Variants in TDRD1 observed in about 807,000 individuals in gnomAD.
TDRD1 encodes the protein tudor domain containing 1, also known as tudor domain-containing protein 1.
In TDRD1, 37 loss-of-function variants were observed where a neutral mutation model predicts 140.6. The ratio of observed to expected loss-of-function variants is 0.26; its 90% CI spans 0.20 to 0.35. The LOEUF (loss-of-function observed/expected upper bound fraction) is 0.35, where lower values mean the gene tolerates loss of function less well. TDRD1 is among the 10% of genes least tolerant of loss of function. TDRD1 has a pLI of 1.00. For missense variants in TDRD1, 1,243 were observed against 1,393.0 expected (o/e 0.89, Z 1.71); for synonymous variants, 506 against 475.7 (o/e 1.06, Z -0.83).
intron 11 of TDRD1, among the ~76,000 whole-genome samples, chr10:114,207,548 T>G (rs1234815599): frequency 6.6e-6 from 1 of 152,122 alleles, no homozygotes; most frequent in Non-Finnish European, 1.5e-5. Flanking sequence ...GTGGGACAGC[T>G]CTGATGAAAA....
At position 114,200,246 on chromosome 10, in the gene TDRD1, G is replaced by A. The variant is rs183212811; in HGVS notation, c.529+929G>A. Among the ~76,000 whole-genome samples, 401 of 152,260 alleles carry A rather than the reference G, an allele frequency of 2.6e-3. 1 individual carries two copies. Among genetic ancestry groups the A allele is most frequent in the Non-Finnish European group, 3.0e-3 (203 of 68,026 alleles). On this transcript the variant is annotated intron_variant, in intron 4 of 25. Coordinates refer to ENST00000251864, the Ensembl canonical transcript of TDRD1. ...TTACAGTTAAATTTGCAGTGCTCTC[G>A]TGATCAATGATCTTGAGCAGTTTTT...
intron 18 of TDRD1, among the ~76,000 whole-genome samples, chr10:114,219,880 C>T (rs974651992): frequency 6.6e-6 from 1 of 152,250 alleles, no homozygotes; most frequent in Non-Finnish European, 1.5e-5. Context: ...GCATGAGCCA[C>T]TGTGCCCGGC....
intron 18 of TDRD1, among the ~76,000 whole-genome samples, chr10:114,219,153 G>A (rs2035988346): frequency 6.6e-6 from 1 of 152,170 alleles, no homozygotes; most frequent in Admixed American, 6.5e-5. Context: ...TTGATATGAA[G>A]AATTGTTCAT....
rs1188482807 is a variant in TDRD1, at chr10:114,199,153, C to T, written c.385-20C>T. On this transcript the variant is annotated intron_variant, in intron 3 of 25. Coordinates refer to ENST00000251864, the Ensembl canonical transcript of TDRD1. ...AAGTTATTGCCAAATTCTAACATTG[C>T]TCTTCTTTGTTCTTAATAGAAGCCT... 6.3e-7 allele frequency: 1 copy of T among 1,598,558 alleles called. No homozygotes were observed. The highest frequency in any genetic ancestry group is 8.5e-7 in the Non-Finnish European group (1 of 1,175,442).
intron 21 of TDRD1, among the ~76,000 whole-genome samples, chr10:114,223,756 T>G (rs901340226): frequency 3.3e-5 from 5 of 152,234 alleles, no homozygotes; most frequent in African/African-American, 1.2e-4. Context: ...TTTGTCGTTG[T>G]TAGTGTTCTA....
At chr10:114,209,681 A>G (rs2035358612) in intron 11 of TDRD1, among the ~76,000 whole-genome samples, 1 of 152,186 alleles carries the variant, frequency 6.6e-6, no homozygotes, top group Admixed American at 6.5e-5. Context: ...TCATTCCTAG[A>G]TATGAAATTC....
At chr10:114,229,167 G>A (rs139906071) in intron 25 of TDRD1, among the ~76,000 whole-genome samples, 2,497 of 152,096 alleles carry the variant, frequency 0.016, 30 homozygotes, top group Non-Finnish European at 0.027. Flanking sequence ...AGTTGTTACA[G>A]TTCCAGCCAA....
chr10:114,203,335 A>G, intron 7 of TDRD1, 53 bp from the exon 8 acceptor site: 1 of 1,543,616 alleles, frequency 6.5e-7, no homozygotes, highest in Non-Finnish European at 8.7e-7. Context: ...TAAGAAATTT[A>G]CATTTCCTTG....
exon 6 of TDRD1, chr10:114,202,283 G>A (rs2034801473): frequency 6.2e-7 from 1 of 1,602,764 alleles, no homozygotes; most frequent in East Asian, 2.2e-5. Context: ...CAAAGGATGT[G>A]GAGGTAAACA....
At chr10:114,213,631 G>A (rs1191964237) in intron 15 of TDRD1, 43 bp downstream of exon 15, 3 of 1,563,140 alleles carry the variant, frequency 1.9e-6, no homozygotes, top group African/African-American at 2.7e-5. Flanking sequence ...CTGGAGTTCA[G>A]ATGGTTCTAT....
chr10:114,186,453 A>C (rs1328433071), intron 1 of TDRD1, among the ~76,000 whole-genome samples: 1 of 151,962 alleles, frequency 6.6e-6, no homozygotes, highest in Non-Finnish European at 1.5e-5. Context: ...TTTAGTAGAG[A>C]CGGGGTTTCA....
Position 114,217,354 on chromosome 10 carries a change from A to C in TDRD1, c.2213-191A>C, listed in dbSNP as rs565376213. ...AAATCGTTGGTGTTGGGTTTATTGAAAGTATTAACTAAATAACAACTTATT... is the reference window on the plus strand; with the variant it reads ...AAATCGTTGGTGTTGGGTTTATTGACAGTATTAACTAAATAACAACTTATT... On this transcript the variant is annotated intron_variant, in intron 16 of 25. Coordinates refer to ENST00000251864, the Ensembl canonical transcript of TDRD1. Among the ~76,000 whole-genome samples the C allele has an allele frequency of 3.3e-5, 5 of 152,310 alleles. No homozygotes were observed. The East Asian group carries it at 9.6e-4, about 29-fold the overall frequency.
intron 1 of TDRD1, among the ~76,000 whole-genome samples, chr10:114,181,261 T>G (rs1025356994): frequency 6.6e-6 from 1 of 152,264 alleles, no homozygotes; most frequent in Non-Finnish European, 1.5e-5. Context: ...ATTTAATTAC[T>G]GTGGATTCCA....
chr10:114,203,975 C>T, intron 8 of TDRD1, 98 bp from the exon 9 acceptor site: 4 of 1,423,322 alleles, frequency 2.8e-6, no homozygotes, highest in Non-Finnish European at 3.8e-6. Flanking sequence ...AGAACAGGAG[C>T]CTTTCCTTTG....
upstream of TDRD1, among the ~76,000 whole-genome samples, chr10:114,177,535 T>C (rs2119823377): frequency 6.6e-6 from 1 of 152,262 alleles, no homozygotes; most frequent in African/African-American, 2.4e-5. Context: ...CCTGGAAACT[T>C]GACATCAAGG....
chr10:114,213,700 T>A, intron 15 of TDRD1, 112 bp downstream of exon 15: 6 of 1,012,396 alleles, frequency 5.9e-6, no homozygotes, highest in South Asian at 1.7e-5. Context: ...TTCATCTTTT[T>A]AAATCAAGCA....
intron 21 of TDRD1, among the ~76,000 whole-genome samples, chr10:114,224,167 C>G (rs1314408252): frequency 6.6e-6 from 1 of 152,186 alleles, no homozygotes; most frequent in Non-Finnish European, 1.5e-5. Flanking sequence ...AAGCCTTCAG[C>G]CTAATAGTTA....
chr10:114,202,204 A>G (rs1459787462), intron 5 of TDRD1, 34 bp from the exon 6 acceptor site: 2 of 1,544,342 alleles, frequency 1.3e-6, no homozygotes, highest in Admixed American at 1.8e-5. Flanking sequence ...TTGCCTCTGT[A>G]GTATAAATAT....
exon 2 of TDRD1, chr10:114,188,048 A>G (rs540561593): frequency 6.2e-7 from 1 of 1,614,130 alleles, no homozygotes; most frequent in African/African-American, 1.3e-5. Context: ...TTGTGAGCAA[A>G]CCAAACAATA....
Sources: allele counts gnomAD v4.1 joint callset (sites outside exome capture counted in the v4.1 genomes callset), GRCh38; gene constraint gnomAD v4.1.1; transcripts MANE v1.5; gene names NCBI Gene and HGNC (gene_info 2026-07-23, HGNC 2026-07-21).